DOCK4: variants seen among roughly 807,000 people sequenced by gnomAD.
DOCK4 encodes dedicator of cytokinesis protein 4.
DOCK4 carries 97 observed loss-of-function variants against 268.1 expected under a neutral mutation model. The observed-to-expected ratio is 0.36, with a 90% CI of 0.31 to 0.43. The LOEUF (loss-of-function observed/expected upper bound fraction) is 0.43, where lower values mean the gene tolerates loss of function less well. Among genes scored for constraint, DOCK4 ranks in the 20% least tolerant of loss-of-function variants. The pLI is 1.00. For synonymous variants in DOCK4, 954 were observed against 887.2 expected (o/e 1.08, Z -1.34); for missense variants, 2,145 against 2,455.7 (o/e 0.87, Z 2.67).
chr7:112,200,518 A>G (rs546995028), intron 1 of DOCK4, among the ~76,000 whole-genome samples: 2 of 152,180 alleles, frequency 1.3e-5, no homozygotes, highest in South Asian at 4.1e-4. Flanking sequence ...AGCCTTTTAG[A>G]AGGGTTTCAT....
intron 1 of DOCK4, among the ~76,000 whole-genome samples, chr7:112,200,734 A>AT (rs1554478917): frequency 8.5e-6 from 1 of 117,744 alleles, no homozygotes; most frequent in Non-Finnish European, 1.7e-5. Context: ...ATAAAAAAAA[A>AT]AAAACAAAAA....
At chr7:112,115,633 TCATCCATCCATCCATCCACCCATC>T (rs1251766663) in intron 1 of DOCK4, among the ~76,000 whole-genome samples, 2 of 32,188 alleles carry the variant, frequency 6.2e-5, no homozygotes, top group Non-Finnish European at 1.0e-4. Flanking sequence ...ATCCACCCAT[TCATCCATCCATCCATCCACCCATC>T]CATCCATCCA....
chr7:112,093,245 G>T (rs1286954700), intron 1 of DOCK4, among the ~76,000 whole-genome samples: 1 of 152,064 alleles, frequency 6.6e-6, no homozygotes, highest in East Asian at 1.9e-4. Context: ...TAGCACATGT[G>T]CTCCTTCTCA....
chr7:111,942,384 A>T (rs1795283815), intron 10 of DOCK4, among the ~76,000 whole-genome samples: 1 of 152,160 alleles, frequency 6.6e-6, no homozygotes, highest in Non-Finnish European at 1.5e-5. Flanking sequence ...TTCTGTAAGA[A>T]GTATGTGTCC....
chr7:111,860,799 G>A (rs1805446254), intron 23 of DOCK4, among the ~76,000 whole-genome samples: 1 of 152,112 alleles, frequency 6.6e-6, no homozygotes, highest in Non-Finnish European at 1.5e-5. Context: ...CATCACAGCA[G>A]GTTCTTCTCT....
chr7:111,855,907 C>T (rs1428434105), intron 23 of DOCK4, among the ~76,000 whole-genome samples: 1 of 152,070 alleles, frequency 6.6e-6, no homozygotes, highest in Admixed American at 6.6e-5. Context: ...GAATGGACTC[C>T]ATCATGAGTT....
intron 1 of DOCK4, among the ~76,000 whole-genome samples, chr7:112,147,054 T>C (rs1420325113): frequency 1.3e-5 from 2 of 152,190 alleles, no homozygotes; most frequent in Non-Finnish European, 2.9e-5. Flanking sequence ...CCTAGTAATA[T>C]ATACTAGGGA....
Position 111,849,759 on chromosome 7 carries a change from A to T in DOCK4, c.2474-2633T>A, listed in dbSNP as rs559482271. Among the ~76,000 whole-genome samples the T allele has an allele frequency of 2.0e-5, 3 of 152,318 alleles. No homozygotes were observed. In the South Asian group the frequency reaches 6.2e-4, roughly 32 times the overall value. On this transcript the variant is annotated intron_variant, in intron 23 of 52. Transcript: ENST00000428084. ...ACTGGAGCAGGGGTCCCCAGAGTTC[A>T]GTATCTGAGATGGTTTCTCTTGGGC...
chr7:111,832,114 A>G (rs976504551), intron 26 of DOCK4, among the ~76,000 whole-genome samples: 5 of 152,360 alleles, frequency 3.3e-5, no homozygotes, highest in African/African-American at 1.2e-4. Context: ...CCAGATTCCA[A>G]TAAGTATTAT....
intron 13 of DOCK4, among the ~76,000 whole-genome samples, chr7:111,914,159 G>A (rs142013170): frequency 1.8e-4 from 28 of 152,192 alleles, no homozygotes; most frequent in African/African-American, 5.8e-4. Flanking sequence ...GGGTTACAGC[G>A]TGTCTCTGCC....
At chr7:111,856,755 G>C in intron 23 of DOCK4, among the ~76,000 whole-genome samples, 1 of 152,178 alleles carries the variant, frequency 6.6e-6, no homozygotes, top group East Asian at 1.9e-4. Context: ...GCGGGAAGAG[G>C]AGGGGTGAGA....
intron 1 of DOCK4, among the ~76,000 whole-genome samples, chr7:112,083,951 T>C (rs1808825106): frequency 6.6e-6 from 1 of 152,204 alleles, no homozygotes; most frequent in Non-Finnish European, 1.5e-5. Flanking sequence ...TCAGATGTGA[T>C]TCCAGTTGAC....
At chr7:112,095,472 C>T (rs1810039402) in intron 1 of DOCK4, among the ~76,000 whole-genome samples, 1 of 152,146 alleles carries the variant, frequency 6.6e-6, no homozygotes, top group African/African-American at 2.4e-5. Flanking sequence ...TGACCCATGA[C>T]ATTTCTTAAA....
chr7:112,090,421 C>T (rs1809512405), intron 1 of DOCK4, among the ~76,000 whole-genome samples: 1 of 152,092 alleles, frequency 6.6e-6, no homozygotes, highest in South Asian at 2.1e-4. Flanking sequence ...GAAAGCTAAA[C>T]AGAAAAAGTC....
At chr7:112,099,994 G>A (rs531470678) in intron 1 of DOCK4, among the ~76,000 whole-genome samples, 8 of 152,136 alleles carry the variant, frequency 5.3e-5, no homozygotes, top group African/African-American at 1.4e-4. Context: ...TCCTCTTAAT[G>A]TTCTAGGTTA....
intron 32 of DOCK4, among the ~76,000 whole-genome samples, chr7:111,784,986 G>A (rs2133773555): frequency 6.6e-6 from 1 of 152,244 alleles, no homozygotes; most frequent in African/African-American, 2.4e-5. Context: ...CAAGAAGAAA[G>A]CTGTTTTGTC....
chr7:111,784,280 C>A (rs1039712814), intron 32 of DOCK4, 157 bp from the exon 33 acceptor site: 1 of 846,286 alleles, frequency 1.2e-6, no homozygotes. Flanking sequence ...CAGAGGCTTG[C>A]GTCTTACCAC....
chr7:112,061,029 C>A (rs1054691332), intron 1 of DOCK4, among the ~76,000 whole-genome samples: 1 of 152,106 alleles, frequency 6.6e-6, no homozygotes, highest in Non-Finnish European at 1.5e-5. Context: ...AACTTATAAT[C>A]CCTCATGTCC....
At chr7:111,780,315 T>C (rs1435029027) in intron 35 of DOCK4, among the ~76,000 whole-genome samples, 1 of 152,210 alleles carries the variant, frequency 6.6e-6, no homozygotes, top group African/African-American at 2.4e-5. Flanking sequence ...CTCCTGTAGA[T>C]CTTGGCATTC....
Sources: gnomAD v4.1 joint callset for allele counts (sites outside exome capture counted in the v4.1 genomes callset) on GRCh38, gnomAD v4.1.1 for gene constraint, MANE v1.5 for transcripts, NCBI Gene and HGNC (gene_info 2026-07-23, HGNC 2026-07-21) for gene names.